Variants in LRRC37A2 observed in about 807,000 individuals in gnomAD.
LRRC37A2 encodes the protein leucine rich repeat containing 37 member A2.
A neutral mutation model predicts 68.8 loss-of-function variants in LRRC37A2; 9 were observed. The ratio of observed to expected loss-of-function variants is 0.13; its 90% CI spans 0.08 to 0.23. The LOEUF is 0.23. Among genes scored for constraint, LRRC37A2 ranks in the 10% least tolerant of loss-of-function variants. LRRC37A2 has a pLI of 1.00. For synonymous variants in LRRC37A2, 63 were observed against 367.6 expected (o/e 0.17, Z 9.48); for missense variants, 168 against 950.4 (o/e 0.18, Z 10.82).
the LRRC37A2 span, among the ~76,000 whole-genome samples, chr17:46,709,366 T>G: frequency 6.6e-6 from 1 of 152,172 alleles, no homozygotes; most frequent in African/African-American, 2.4e-5. Flanking sequence ...TTATGGGATA[T>G]GTAAGGAAGA....
chr17:46,797,668 C>G, the LRRC37A2 span, among the ~76,000 whole-genome samples: 2 of 152,202 alleles, frequency 1.3e-5, no homozygotes, highest in Non-Finnish European at 2.9e-5. Context: ...GAACACCTTT[C>G]CCTGCTGTGC....
At chr17:46,833,465 G>A in the LRRC37A2 span, 5 of 498,720 alleles carry the variant, frequency 1.0e-5, no homozygotes, top group South Asian at 2.9e-5. Flanking sequence ...GGAAGGGACA[G>A]CCAACCCACC....
the LRRC37A2 span, among the ~76,000 whole-genome samples, chr17:47,030,977 T>C: frequency 6.6e-6 from 1 of 152,044 alleles, no homozygotes; most frequent in African/African-American, 2.4e-5. Context: ...TCCAAGGTCC[T>C]GGGAGGGCCC....
the LRRC37A2 span, among the ~76,000 whole-genome samples, chr17:46,818,942 G>C: frequency 6.6e-6 from 1 of 152,324 alleles, no homozygotes; most frequent in African/African-American, 2.4e-5. Context: ...CGGGGCTTCG[G>C]GGGGACGCGG....
At chr17:46,910,425 G>C in the LRRC37A2 span, among the ~76,000 whole-genome samples, 1 of 151,828 alleles carries the variant, frequency 6.6e-6, no homozygotes, top group Non-Finnish European at 1.5e-5. Flanking sequence ...CAGATCCTCC[G>C]AGTGCCGCTG....
the LRRC37A2 span, chr17:46,922,937 T>G: frequency 1.7e-6 from 1 of 578,726 alleles, no homozygotes; most frequent in Non-Finnish European, 3.1e-6. Flanking sequence ...GAGGCTAGCC[T>G]TCAGCGAACA....
the LRRC37A2 span, among the ~76,000 whole-genome samples, chr17:47,007,200 C>T: frequency 6.6e-6 from 1 of 152,150 alleles, no homozygotes; most frequent in African/African-American, 2.4e-5. Flanking sequence ...TTTCCTTCGA[C>T]AGAGTCTTGC....
chr17:46,940,921 A>G, the LRRC37A2 span: 3 of 1,321,734 alleles, frequency 2.3e-6, no homozygotes, highest in Middle Eastern at 2.9e-4. Flanking sequence ...GTGCCTGGTG[A>G]AAAATAGACC....
chr17:46,985,801 C>A, the LRRC37A2 span, among the ~76,000 whole-genome samples: 2 of 152,182 alleles, frequency 1.3e-5, no homozygotes, highest in African/African-American at 4.8e-5. Flanking sequence ...AATCAGAATA[C>A]CTTCAATAAA....
At chr17:47,029,422 G>C in the LRRC37A2 span, among the ~76,000 whole-genome samples, 1 of 152,058 alleles carries the variant, frequency 6.6e-6, no homozygotes. Context: ...TATATTCAGT[G>C]GCCTGAAGGG....
chr17:46,978,885 C>T, the LRRC37A2 span: 1 of 1,540,864 alleles, frequency 6.5e-7, no homozygotes. Flanking sequence ...GCGGTGCGCC[C>T]CCTGGACAGC....
the LRRC37A2 span, among the ~76,000 whole-genome samples, chr17:46,655,945 T>C: frequency 1.9e-5 from 2 of 103,156 alleles, 1 homozygote; most frequent in Non-Finnish European, 3.7e-5. Context: ...GTTGAACTTA[T>C]AATATTTTAG....
the LRRC37A2 span, among the ~76,000 whole-genome samples, chr17:46,999,784 A>G: frequency 6.6e-6 from 1 of 151,658 alleles, no homozygotes; most frequent in African/African-American, 2.4e-5. Context: ...AGATTACTTG[A>G]GGTCAGGAGT....
chr17:46,823,704 T>G, the LRRC37A2 span, among the ~76,000 whole-genome samples: 2 of 152,040 alleles, frequency 1.3e-5, no homozygotes, highest in African/African-American at 4.8e-5. Flanking sequence ...TCTCCCAAAG[T>G]GCTGGGATTA....
chr17:46,751,710 A>T, the LRRC37A2 span: 1 of 683,052 alleles, frequency 1.5e-6, no homozygotes, highest in East Asian at 3.0e-5. Context: ...GTTTTAATTA[A>T]TTTAAGTTTT....
chr17:46,756,308 T>C, the LRRC37A2 span: 1 of 152,820 alleles, frequency 6.5e-6, no homozygotes, highest in Non-Finnish European at 1.5e-5. Flanking sequence ...TAAAAGTCAC[T>C]GGGTATTTGG....
chr17:46,779,369 G>A, the LRRC37A2 span, among the ~76,000 whole-genome samples: 2 of 152,248 alleles, frequency 1.3e-5, no homozygotes, highest in Non-Finnish European at 1.5e-5. Flanking sequence ...GGGGGAGGGC[G>A]GAGGACCCTG....
At chr17:46,904,201 TA>T in the LRRC37A2 span, among the ~76,000 whole-genome samples, 3 of 140,000 alleles carry the variant, frequency 2.1e-5, no homozygotes, top group African/African-American at 8.1e-5. Flanking sequence ...GTTAGCTGGA[TA>T]TATGGGTGGG....
At chr17:47,017,212 C>T in the LRRC37A2 span, 14 of 1,611,740 alleles carry the variant, frequency 8.7e-6, no homozygotes, top group South Asian at 3.3e-5. Context: ...GCTCAGTGCC[C>T]GGCACTAGCG....
Sources: gnomAD v4.1 joint callset for allele counts (sites outside exome capture counted in the v4.1 genomes callset) on GRCh38, gnomAD v4.1.1 for gene constraint, MANE v1.5 for transcripts, NCBI Gene and HGNC (gene_info 2026-07-23, HGNC 2026-07-21) for gene names.